The following CNTLN variants were observed in gnomAD, a reference collection of about 807,000 sequenced individuals.
The protein encoded by CNTLN is centlein, centrosomal protein.
CNTLN carries 212 observed loss-of-function variants against 180.0 expected under a neutral mutation model. That is an observed-to-expected ratio of 1.18 (90% confidence interval 1.05 to 1.32). CNTLN has a LOEUF of 1.32. Ranked by LOEUF, CNTLN falls within the 40% of genes most tolerant of loss-of-function variation. The pLI is 0.00. For synonymous variants in CNTLN, 722 were observed against 563.1 expected (o/e 1.28, Z -3.99); for missense variants, 2,095 against 1,610.9 (o/e 1.30, Z -5.14).
chr9:17,333,082 T>C (rs1330785208), intron 10 of CNTLN, among the ~76,000 whole-genome samples: 1 of 152,064 alleles, frequency 6.6e-6, no homozygotes, highest in Non-Finnish European at 1.5e-5. Flanking sequence ...CATATGTAAA[T>C]GAAAGTGAGT....
chr9:17,359,224 G>C (rs1823099132), intron 12 of CNTLN, among the ~76,000 whole-genome samples: 1 of 151,924 alleles, frequency 6.6e-6, no homozygotes, highest in Non-Finnish European at 1.5e-5. Context: ...ATGCCATGTT[G>C]CCCAGGCTGG....
Position 17,236,415 on chromosome 9 carries a change from A to G in CNTLN, c.676A>G (p.Lys226Glu). ...TTGTGGTACTGTTCTACAGGACACT[A>G]AGGAGTGTGTACAGAACAAAGAAGA... ...KDKSQEIKDT[K>E]ECVQNKEEQN... The change falls in exon 5 of 26, where the codon AAG becomes GAG. Residue 226 changes from lysine (K) to glutamate (E), a missense_variant. Transcript: ENST00000380647. 6.2e-7 allele frequency: 1 copy of G among 1,602,296 alleles called. No homozygotes were observed. The highest frequency in any genetic ancestry group is 8.5e-7 in the Non-Finnish European group (1 of 1,175,946).
At chr9:17,216,022 T>G (rs952810984) in intron 2 of CNTLN, among the ~76,000 whole-genome samples, 1 of 152,120 alleles carries the variant, frequency 6.6e-6, no homozygotes, top group Admixed American at 6.5e-5. Flanking sequence ...TGCCTCACCC[T>G]GCTTTGGCTC....
At chr9:17,153,855 TTTA>T (rs1243719597) in intron 2 of CNTLN, among the ~76,000 whole-genome samples, 1 of 152,202 alleles carries the variant, frequency 6.6e-6, no homozygotes, top group Non-Finnish European at 1.5e-5. Flanking sequence ...GTTTTTCCTT[TTTA>T]TTCTTTTTTC....
chr9:17,164,210 G>GCTAGGAGAATCA (rs951432956), intron 2 of CNTLN, among the ~76,000 whole-genome samples: 16 of 150,776 alleles, frequency 1.1e-4, no homozygotes, highest in African/African-American at 3.9e-4. Context: ...TCCTCAGGAG[G>GCTAGGAGAATCA]CTGAGGCAGG....
At chr9:17,305,989 T>C (rs1212338541) in intron 7 of CNTLN, among the ~76,000 whole-genome samples, 2 of 152,136 alleles carry the variant, frequency 1.3e-5, no homozygotes, top group African/African-American at 4.8e-5. Flanking sequence ...GAAGGATGGA[T>C]ATTCAGTGCA....
In CNTLN at chr9:17,466,603, TAGAG is replaced by T. The variant is rs758796161; in HGVS notation, c.3670-99_3670-96del. On this transcript the variant is annotated intron_variant, in intron 22 of 25. Coordinates refer to ENST00000380647, the MANE Select transcript of CNTLN (RefSeq NM_017738.4). The stretch of plus-strand genomic sequence containing the variant: ...TAATTTTACCCAAATAATAAATACA[TAGAG>T]AGAATAATAAAATATTTTCCTTATT... 44 of 889,446 alleles carry T rather than the reference TAGAG, an allele frequency of 4.9e-5. 1 individual carries two copies. The highest frequency in any genetic ancestry group is 2.8e-4 in the South Asian group (16 of 56,850). The allele number at this position is 889,446 out of a possible 1,614,324, so 55.1% of individuals were successfully genotyped here.
chr9:17,367,961 G>C (rs780668737), intron 13 of CNTLN, among the ~76,000 whole-genome samples: 23 of 152,122 alleles, frequency 1.5e-4, no homozygotes, highest in Admixed American at 2.6e-4. Context: ...CATGAGAAAA[G>C]CAGAGGGAAA....
the CNTLN span, among the ~76,000 whole-genome samples, chr9:17,515,858 C>T: frequency 2.6e-5 from 4 of 152,190 alleles, no homozygotes; most frequent in Admixed American, 6.5e-5. Flanking sequence ...GAGACCATGT[C>T]ATTCCTCTGC....
At position 17,466,929 on chromosome 9, in the gene CNTLN, T is replaced by A. The variant is rs372200445; in HGVS notation, c.3855+38T>A. 39 of 1,493,216 alleles carry A rather than the reference T, an allele frequency of 2.6e-5. No homozygotes were observed. In the African/African-American group the frequency reaches 4.8e-4, roughly 18 times the overall value. 92.5% of individuals were successfully genotyped at this position (1,493,216 alleles called of 1,614,324 possible). Reference sequence around the variant, plus strand: ...TGTCGTTTACTAACTTGTACTTTACTTTAGGCAGATAGGCAGTAGCCTACT... The same window carrying A: ...TGTCGTTTACTAACTTGTACTTTACATTAGGCAGATAGGCAGTAGCCTACT... On this transcript the variant is annotated intron_variant, in intron 23 of 25. Coordinates refer to ENST00000380647, the MANE Select transcript of CNTLN (RefSeq NM_017738.4).
chr9:17,348,145 A>G (rs12378677), intron 12 of CNTLN, among the ~76,000 whole-genome samples: 2 of 152,034 alleles, frequency 1.3e-5, no homozygotes, highest in African/African-American at 4.8e-5. Flanking sequence ...CCATTTTATG[A>G]TAACGCACTG....
At chr9:17,497,674 C>T (rs537388781) in intron 25 of CNTLN, among the ~76,000 whole-genome samples, 15 of 152,250 alleles carry the variant, frequency 9.9e-5, no homozygotes, top group African/African-American at 3.6e-4. Flanking sequence ...CCATTTTTAG[C>T]AGAACTCCAA....
At chr9:17,197,996 C>G (rs562871938) in intron 2 of CNTLN, among the ~76,000 whole-genome samples, 5 of 152,184 alleles carry the variant, frequency 3.3e-5, no homozygotes, top group South Asian at 2.1e-4. Context: ...AGAGACTCTC[C>G]TTTCCCCAAT....
At chr9:17,211,733 A>T (rs141576422) in intron 2 of CNTLN, among the ~76,000 whole-genome samples, 1,680 of 151,988 alleles carry the variant, frequency 0.011, 34 homozygotes, top group African/African-American at 0.038. Flanking sequence ...TATTTTTTTG[A>T]GCAGTGGTTT....
At chr9:17,135,498 T>C in intron 1 of CNTLN, 73 bp downstream of exon 1, 1 of 1,501,736 alleles carries the variant, frequency 6.7e-7, no homozygotes, top group Non-Finnish European at 8.9e-7. Context: ...CGCGCCTTTC[T>C]CCCTCTGCCT....
At position 17,432,197 on chromosome 9, in the gene CNTLN, A is replaced by G. The variant is rs183259971; in HGVS notation, c.3114+16008A>G. Among the ~76,000 whole-genome samples, 9 of 152,312 alleles carry G rather than the reference A, an allele frequency of 5.9e-5. No homozygotes were observed. In the East Asian group the frequency reaches 1.7e-3, roughly 29 times the overall value. The stretch of plus-strand genomic sequence containing the variant: ...AGTAAAATTTATCAAGGCACTAAAA[A>G]AACAAAAAACAAAAAACAAAATCCT... On this transcript the variant is annotated intron_variant, in intron 18 of 25. Coordinates refer to ENST00000380647, the MANE Select transcript of CNTLN (RefSeq NM_017738.4).
the CNTLN span, among the ~76,000 whole-genome samples, chr9:17,525,543 T>C: frequency 2.0e-5 from 3 of 152,350 alleles, no homozygotes; most frequent in Non-Finnish European, 2.9e-5. Context: ...ATTCAAACTT[T>C]CCTACATTGG....
rs566654564 is a variant in CNTLN, at chr9:17,218,330, A to T, written c.450-7873A>T. ...ATCTGTTGAATTATTTTTATTCCAC[A>T]TATTAAAGTTTTCTTTTTTTAAATA... On this transcript the variant is annotated intron_variant, in intron 2 of 25. Coordinates refer to ENST00000380647, the MANE Select transcript of CNTLN (RefSeq NM_017738.4). 1.6e-4 allele frequency among the ~76,000 whole-genome samples: 24 copies of T among 152,308 alleles called. 1 individual carries two copies. The South Asian group carries it at 4.8e-3, about 30-fold the overall frequency.
chr9:17,205,372 A>G (rs1442595480), intron 2 of CNTLN, among the ~76,000 whole-genome samples: 2 of 152,220 alleles, frequency 1.3e-5, no homozygotes, highest in East Asian at 1.9e-4. Flanking sequence ...AGCAAATTGC[A>G]TTGGGAACAG....
Sources: allele counts gnomAD v4.1 joint callset (sites outside exome capture counted in the v4.1 genomes callset), GRCh38; gene constraint gnomAD v4.1.1; transcripts MANE v1.5; gene names NCBI Gene and HGNC (gene_info 2026-07-23, HGNC 2026-07-21).